The following L3MBTL4 variants were observed in gnomAD, a reference collection of about 807,000 sequenced individuals.
L3MBTL4 encodes L3MBTL histone methyl-lysine binding protein 4.
L3MBTL4 carries 70 observed loss-of-function variants against 84.5 expected under a neutral mutation model. The observed-to-expected ratio is 0.83, with a 90% CI of 0.68 to 1.01. The LOEUF (loss-of-function observed/expected upper bound fraction) is 1.01. Among genes scored for constraint, L3MBTL4 ranks in the 50% least tolerant of loss-of-function variants. The pLI, the probability that L3MBTL4 is intolerant of heterozygous loss-of-function variation, is 0.00. For missense variants in L3MBTL4, 715 were observed against 754.8 expected (o/e 0.95, Z 0.62); for synonymous variants, 274 against 259.8 (o/e 1.05, Z -0.52).
At chr18:6,395,051 T>C (rs930314908) in intron 1 of L3MBTL4, 5 of 152,152 alleles carry the variant, frequency 3.3e-5, no homozygotes, top group Non-Finnish European at 5.9e-5. Flanking sequence ...TCATAAAATA[T>C]TATGAGGCTG....
intron 14 of L3MBTL4, among the ~76,000 whole-genome samples, chr18:6,105,959 C>G (rs761746262): frequency 7.9e-5 from 12 of 152,132 alleles, no homozygotes; most frequent in Non-Finnish European, 1.5e-4. Flanking sequence ...AGAGCAACAA[C>G]AGGTCATAGT....
intron 16 of L3MBTL4, among the ~76,000 whole-genome samples, chr18:5,984,945 G>A (rs2053403298): frequency 6.6e-6 from 1 of 151,854 alleles, no homozygotes; most frequent in South Asian, 2.1e-4. Flanking sequence ...AAACTATGCT[G>A]TCTTAATGAC....
intron 3 of L3MBTL4, among the ~76,000 whole-genome samples, chr18:6,306,964 T>G (rs1465916341): frequency 1.3e-5 from 2 of 152,092 alleles, no homozygotes; most frequent in East Asian, 3.9e-4. Flanking sequence ...AATAGCAACA[T>G]CTGCTCGAAT....
intron 1 of L3MBTL4, among the ~76,000 whole-genome samples, chr18:6,343,693 T>C (rs1226388243): frequency 6.7e-6 from 1 of 148,504 alleles, no homozygotes; most frequent in African/African-American, 2.5e-5. Flanking sequence ...TTGTAAATCA[T>C]GTCAAGTAAC....
At chr18:6,052,251 C>A (rs1598573878) in intron 16 of L3MBTL4, among the ~76,000 whole-genome samples, 1 of 152,132 alleles carries the variant, frequency 6.6e-6, no homozygotes, top group East Asian at 1.9e-4. Context: ...TAGCATGCTA[C>A]CAACTGGAAA....
At position 6,016,330 on chromosome 18, in the gene L3MBTL4, G is replaced by A. The variant is rs118068026; in HGVS notation, c.1445-46768C>T. On this transcript the variant is annotated intron_variant, in intron 16 of 18. Transcript: ENST00000317931. ...CAGATACTGGGACGCCAACTACAATGGTCACTCCTTAGGCACCATTTGGCT... is the reference window on the plus strand; with the variant it reads ...CAGATACTGGGACGCCAACTACAATAGTCACTCCTTAGGCACCATTTGGCT... Among the ~76,000 whole-genome samples the A allele has an allele frequency of 4.9e-3, 749 of 152,282 alleles. 2 individuals carry two copies. Among genetic ancestry groups the A allele is most frequent in the Non-Finnish European group, 8.3e-3 (567 of 68,020 alleles).
chr18:6,286,116 C>T (rs964631772), intron 4 of L3MBTL4, among the ~76,000 whole-genome samples: 1 of 151,784 alleles, frequency 6.6e-6, no homozygotes, highest in Admixed American at 6.6e-5. Context: ...AGGCGTGAGC[C>T]ACCATGCCCG....
chr18:6,253,594 C>T (rs2048017225), intron 5 of L3MBTL4, among the ~76,000 whole-genome samples: 1 of 152,200 alleles, frequency 6.6e-6, no homozygotes, highest in Non-Finnish European at 1.5e-5. Context: ...TCAAATTTTC[C>T]ATAATGCTAA....
intron 12 of L3MBTL4, among the ~76,000 whole-genome samples, chr18:6,195,972 C>T (rs988403574): frequency 6.6e-6 from 1 of 151,972 alleles, no homozygotes; most frequent in South Asian, 2.1e-4. Context: ...CGCCCTAGCC[C>T]TCTTCATTCC....
intron 10 of L3MBTL4, among the ~76,000 whole-genome samples, chr18:6,234,569 CTCA>C (rs1269698713): frequency 6.6e-6 from 1 of 152,196 alleles, no homozygotes; most frequent in African/African-American, 2.4e-5. Context: ...CAAAAAAATG[CTCA>C]TCATCACTGA....
intron 16 of L3MBTL4, among the ~76,000 whole-genome samples, chr18:5,987,581 T>TC (rs2053520101): frequency 6.6e-6 from 1 of 152,198 alleles, no homozygotes; most frequent in African/African-American, 2.4e-5. Flanking sequence ...TTCCAGCTCC[T>TC]CCCCTCTCCA....
intron 16 of L3MBTL4, among the ~76,000 whole-genome samples, chr18:6,049,729 G>T (rs1193349389): frequency 6.6e-6 from 1 of 152,142 alleles, no homozygotes; most frequent in Non-Finnish European, 1.5e-5. Context: ...GAGGAGGGAG[G>T]AAAGGGGGCA....
At chr18:6,334,643 G>A (rs1193827145) in intron 1 of L3MBTL4, among the ~76,000 whole-genome samples, 1 of 152,076 alleles carries the variant, frequency 6.6e-6, no homozygotes, top group Non-Finnish European at 1.5e-5. Context: ...TTAAAATAAT[G>A]AAGCAGCTTA....
intron 4 of L3MBTL4, among the ~76,000 whole-genome samples, chr18:6,272,400 G>C (rs984627508): frequency 6.7e-6 from 1 of 149,664 alleles, no homozygotes; most frequent in African/African-American, 2.5e-5. Flanking sequence ...CGGGGAAAGG[G>C]GGAGTTGTGC....
chr18:6,384,487 AC>A (rs2054731557), intron 1 of L3MBTL4, among the ~76,000 whole-genome samples: 1 of 152,158 alleles, frequency 6.6e-6, no homozygotes, highest in East Asian at 1.9e-4. Context: ...TGAATTGTAT[AC>A]CCTGTGCATG....
Position 6,380,511 on chromosome 18 carries a change from AT to A in L3MBTL4, c.-91+34289del, listed in dbSNP as rs2054554124. ...AAATGTGTCCCAGAGATTCTGGTACATTGTGTTGTTGTTCTCATTGGTTTCA... is the reference window on the plus strand; with the variant it reads ...AAATGTGTCCCAGAGATTCTGGTACATGTGTTGTTGTTCTCATTGGTTTCA... On this transcript the variant is annotated intron_variant, in intron 1 of 18. Transcript: ENST00000317931. 2.0e-5 allele frequency among the ~76,000 whole-genome samples: 3 copies of A among 152,050 alleles called. No individual in the cohort carries two copies. In the South Asian group the frequency reaches 6.2e-4, roughly 32 times the overall value.
chr18:6,000,832 A>C (rs2054178400), intron 16 of L3MBTL4, among the ~76,000 whole-genome samples: 1 of 152,226 alleles, frequency 6.6e-6, no homozygotes, highest in Admixed American at 6.5e-5. Context: ...TTTCAAAAAC[A>C]AAGGACAGGA....
intron 1 of L3MBTL4, among the ~76,000 whole-genome samples, chr18:6,384,750 C>A (rs1004230397): frequency 3.9e-5 from 6 of 152,178 alleles, no homozygotes; most frequent in Non-Finnish European, 8.8e-5. Context: ...AGGATGACTT[C>A]TCCCTGGCTT....
chr18:6,385,689 A>G (rs149758313), intron 1 of L3MBTL4, among the ~76,000 whole-genome samples: 1 of 152,352 alleles, frequency 6.6e-6, no homozygotes, highest in East Asian at 1.9e-4. Flanking sequence ...TTAGTTATAT[A>G]AATTAATTCT....
Sources: gnomAD v4.1 joint callset for allele counts (sites outside exome capture counted in the v4.1 genomes callset) on GRCh38, gnomAD v4.1.1 for gene constraint, MANE v1.5 for transcripts, NCBI Gene and HGNC (gene_info 2026-07-23, HGNC 2026-07-21) for gene names.